Variants in SPATC1 observed in about 807,000 individuals in gnomAD.
SPATC1 encodes the protein speriolin.
SPATC1 carries 35 observed loss-of-function variants against 36.5 expected under a neutral mutation model. The ratio of observed to expected loss-of-function variants is 0.96; its 90% CI spans 0.73 to 1.27. The LOEUF (loss-of-function observed/expected upper bound fraction) is 1.27. Ranked by LOEUF, SPATC1 falls within the 50% of genes most tolerant of loss-of-function variation. The pLI is 0.00. For synonymous variants in SPATC1, 361 were observed against 353.6 expected (o/e 1.02, Z -0.24); for missense variants, 779 against 796.0 (o/e 0.98, Z 0.26).
rs7840556 is a variant in SPATC1 at position 144,039,760 on chromosome 8, A to C, written c.212-149A>C. 5,021 of 793,396 alleles carry C rather than the reference A, an allele frequency of 6.3e-3. 188 individuals are homozygous for C. The African/African-American group carries it at 0.078, about 12-fold the overall frequency. 49.1% of individuals were successfully genotyped at this position (793,396 alleles called of 1,614,324 possible). ...ACCACCCTGGCCTGCCTAAGAAGTG[A>C]GGCTCAGAGACCAGGTCGGACCAGT... On this transcript the variant is annotated intron_variant, in intron 1 of 4. Coordinates refer to ENST00000377470, the MANE Select transcript of SPATC1 (RefSeq NM_198572.3).
intron 1 of SPATC1, among the ~76,000 whole-genome samples, chr8:144,013,377 T>A (rs1554752726): frequency 6.6e-6 from 1 of 152,108 alleles, no homozygotes; most frequent in East Asian, 1.9e-4. Context: ...CCCCTCCAGA[T>A]CCTGCAGGCT....
Position 144,012,707 on chromosome 8 carries a change from T to G in SPATC1, c.192T>G (p.Leu64=). The change falls in exon 1 of 5, where the codon CTT becomes CTG. Residue 64 remains leucine (L), a synonymous_variant. Coordinates refer to ENST00000377470, the MANE Select transcript of SPATC1 (RefSeq NM_198572.3). ...TSGLGEATAG[L]SSRQNNGVFL... Reference sequence around the variant, plus strand: ...GGCTTGGTGAGGCAACAGCAGGCCTTTCCTCACGCCAGAACAATGGTAAGA... The same window carrying G: ...GGCTTGGTGAGGCAACAGCAGGCCTGTCCTCACGCCAGAACAATGGTAAGA... 1 of 1,551,596 alleles carries G rather than the reference T, an allele frequency of 6.4e-7. No individual in the cohort carries two copies. Among genetic ancestry groups the G allele is most frequent in the South Asian group, 1.2e-5 (1 of 84,056 alleles).
chr8:144,041,080 A>T lies in SPATC1; in HGVS notation c.1279A>T (p.Thr427Ser). The stretch of plus-strand genomic sequence containing the variant: ...GGAACGGAAGCTGGCCCACCGCAAG[A>T]CCAGCAAGTTCCCCGAGAACCCCCG... ...EVERKLAHRK[T>S]SKFPENPRES... The change falls in exon 3 of 5, where the codon ACC (threonine) becomes TCC (serine). Residue 427 changes from threonine (T) to serine (S), a missense_variant. Physicochemically the swap from Thr to Ser is moderately conservative, Grantham distance 58. Coordinates refer to ENST00000377470, the MANE Select transcript of SPATC1 (RefSeq NM_198572.3). 1 of 1,589,050 alleles carries T rather than the reference A, an allele frequency of 6.3e-7. No individual in the cohort carries two copies. Among genetic ancestry groups the T allele is most frequent in the Non-Finnish European group, 8.6e-7 (1 of 1,165,734 alleles).
At chr8:144,022,723 A>ACCTCTCCCCTCCGG in intron 1 of SPATC1, among the ~76,000 whole-genome samples, 1 of 130,892 alleles carries the variant, frequency 7.6e-6, no homozygotes. Flanking sequence ...TCCCTGAGGA[A>ACCTCTCCCCTCCGG]ACTCTCCCCT....
rs781853240 is a variant in SPATC1, at chr8:144,040,875, C to T, written c.1074C>T (p.Ala358=). The T allele has an allele frequency of 6.9e-6, 11 of 1,587,606 alleles. No homozygotes were observed. The South Asian group carries it at 1.3e-4, about 18-fold the overall frequency. The change falls in exon 3 of 5, where the codon GCC becomes GCT. Residue 358 remains alanine, a synonymous_variant. Transcript: ENST00000377470. ...SYTPSSTTHI[A]QGAPHPPSRM... is the part of the protein sequence containing the mutation. ...CACCCTCAAGCACCACCCACATCGC[C>T]CAGGGTGCCCCCCATCCCCCTTCCC...
chr8:144,029,663 C>A (rs1834756012), intron 1 of SPATC1, among the ~76,000 whole-genome samples: 1 of 152,172 alleles, frequency 6.6e-6, no homozygotes, highest in Non-Finnish European at 1.5e-5. Flanking sequence ...TAGTCTCATT[C>A]TTATGGTCAG....
chr8:144,042,997 T>C (rs899687346), intron 4 of SPATC1, among the ~76,000 whole-genome samples: 1 of 150,772 alleles, frequency 6.6e-6, no homozygotes, highest in Non-Finnish European at 1.5e-5. Context: ...GCTATTTTTT[T>C]TTTTTTTTTT....
At chr8:144,038,783 GTA>G (rs1487197983) in intron 1 of SPATC1, among the ~76,000 whole-genome samples, 1 of 152,114 alleles carries the variant, frequency 6.6e-6, no homozygotes, top group Non-Finnish European at 1.5e-5. Context: ...CCAAAATGTC[GTA>G]TTCATCCATA....
intron 1 of SPATC1, among the ~76,000 whole-genome samples, chr8:144,022,873 G>A (rs1312346905): frequency 3.2e-5 from 4 of 126,166 alleles, no homozygotes; most frequent in Non-Finnish European, 6.8e-5. Context: ...GGACCATATC[G>A]CCTCAGTACC....
intron 1 of SPATC1, among the ~76,000 whole-genome samples, chr8:144,022,451 AC>A (rs1231861713): frequency 1.5e-5 from 1 of 65,418 alleles, no homozygotes; most frequent in Non-Finnish European, 3.2e-5. Context: ...TCACCTCAGG[AC>A]CCTCTGTCCA....
chr8:144,040,712 C>T lies in SPATC1; in HGVS notation c.911C>T (p.Ser304Leu), dbSNP rs374196194. 36 of 1,613,578 alleles carry T rather than the reference C, an allele frequency of 2.2e-5. No homozygotes were observed. The highest frequency in any genetic ancestry group is 2.0e-4 in the East Asian group (9 of 44,846). ...AAGACGGCCTTCTCCTTCAACACTT[C>T]GGACACACAGGCCCAGCCCAGTGCC... is the stretch of plus-strand genomic sequence containing the variant. ...APKTAFSFNTSDTQAQPSAAQ... is the reference protein window; with the variant it reads ...APKTAFSFNTLDTQAQPSAAQ... The change falls in exon 3 of 5, where the codon TCG (serine) becomes TTG (leucine). Residue 304 changes from serine to leucine, a missense_variant. Ser to Leu is a moderately radical substitution (Grantham distance 145). Coordinates refer to ENST00000377470, the MANE Select transcript of SPATC1 (RefSeq NM_198572.3).
Position 144,012,392 on chromosome 8 carries a change from G to A in SPATC1, c.-124G>A. On this transcript the variant is annotated 5_prime_UTR_variant, in exon 1 of 5. Coordinates refer to ENST00000377470, the MANE Select transcript of SPATC1 (RefSeq NM_198572.3). ...ACAGCCTCTGACCTCACAATACCCAGGGCCCACTGGGCCAGCCTTGCAGAC... is the reference window on the plus strand; with the variant it reads ...ACAGCCTCTGACCTCACAATACCCAAGGCCCACTGGGCCAGCCTTGCAGAC... 2 of 755,492 alleles carry A rather than the reference G, an allele frequency of 2.6e-6. No homozygotes were observed. Among genetic ancestry groups the A allele is most frequent in the Non-Finnish European group, 4.4e-6 (2 of 452,772 alleles). 46.8% of individuals were successfully genotyped at this position (755,492 alleles called of 1,614,324 possible).
intron 1 of SPATC1, 95 bp from the exon 2 acceptor site, chr8:144,039,813 TG>T: frequency 7.5e-7 from 1 of 1,333,366 alleles, no homozygotes; most frequent in Non-Finnish European, 1.0e-6. Context: ...ATGGGCACTA[TG>T]GCCAGGCCCT....
chr8:144,037,436 G>A (rs1427385420), intron 1 of SPATC1, among the ~76,000 whole-genome samples: 1 of 152,056 alleles, frequency 6.6e-6, no homozygotes, highest in Non-Finnish European at 1.5e-5. Flanking sequence ...TGTAGAAAGA[G>A]GTAGACATGG....
At position 144,046,674 on chromosome 8, in the gene SPATC1, G is replaced by A. The variant is rs782215455; in HGVS notation, c.1494G>A (p.Gln498=). Residue 498 remains glutamine (Q), a synonymous_variant, in exon 5 of 5, where the codon CAG becomes CAA. Transcript: ENST00000377470. This position sits in a 1 kb window ranked among gnomAD's most constrained non-coding sequence, Gnocchi z 6.6. ...SDHKLDEKLC[Q]RLTQRYVSVM... ...ACAAGCTGGATGAGAAGCTGTGCCA[G>A]AGGCTCACACAGCGCTATGTGAGCG... 18 of 1,612,020 alleles carry A rather than the reference G, an allele frequency of 1.1e-5. No individual in the cohort carries two copies. The Admixed American group carries it at 2.8e-4, about 25-fold the overall frequency.
chr8:144,026,850 C>G (rs1834689437), intron 1 of SPATC1, among the ~76,000 whole-genome samples: 1 of 148,856 alleles, frequency 6.7e-6, no homozygotes, highest in Non-Finnish European at 1.5e-5. Flanking sequence ...CTCTGTTGCC[C>G]AGGCTAGAGA....
At position 144,045,557 on chromosome 8, in the gene SPATC1, A is replaced by T. The variant is rs1554756647; in HGVS notation, c.1447-1070A>T. ...ACATAGCTGGAAGAGGGGTGCAGGGACAGATGGGGGGACACTGGAGGGTGG... is the reference window on the plus strand; with the variant it reads ...ACATAGCTGGAAGAGGGGTGCAGGGTCAGATGGGGGGACACTGGAGGGTGG... On this transcript the variant is annotated intron_variant, in intron 4 of 4. Transcript: ENST00000377470. The surrounding 1 kb of genome is among the most constrained non-coding windows in gnomAD (Gnocchi z 5.2). Among the ~76,000 whole-genome samples, 1 of 152,162 alleles carries T rather than the reference A, an allele frequency of 6.6e-6. No homozygotes were observed. The highest frequency in any genetic ancestry group is 1.5e-5 in the Non-Finnish European group (1 of 68,024).
chr8:144,035,201 C>T (rs1490417398), intron 1 of SPATC1, among the ~76,000 whole-genome samples: 1 of 152,196 alleles, frequency 6.6e-6, no homozygotes, highest in Admixed American at 6.5e-5. Flanking sequence ...GCCTGCCCTC[C>T]CCCATCAACT....
At chr8:144,034,724 C>T (rs1394478851) in intron 1 of SPATC1, among the ~76,000 whole-genome samples, 1 of 152,004 alleles carries the variant, frequency 6.6e-6, no homozygotes, top group African/African-American at 2.4e-5. Flanking sequence ...AGGGTTCAAG[C>T]GATTCTCCTG....
Sources: gnomAD v4.1 joint callset for allele counts (sites outside exome capture counted in the v4.1 genomes callset) on GRCh38, gnomAD v4.1.1 for gene constraint, Gnocchi (gnomAD v3.1) non-coding constraint, MANE v1.5 for transcripts, NCBI Gene and HGNC (gene_info 2026-07-23, HGNC 2026-07-21) for gene names.